The following TMEM132D variants were observed in gnomAD, a reference collection of about 807,000 sequenced individuals.
TMEM132D encodes transmembrane protein 132D.
Under a neutral mutation model 62.3 loss-of-function variants are expected in TMEM132D, and 21 were observed. That is an observed-to-expected ratio of 0.34 (90% CI 0.24 to 0.49). The LOEUF (loss-of-function observed/expected upper bound fraction) is 0.49, where lower values mean the gene tolerates loss of function less well. TMEM132D is among the 20% of genes least tolerant of loss of function. TMEM132D has a pLI of 0.99. For synonymous variants in TMEM132D, 621 were observed against 575.6 expected, an observed-to-expected ratio of 1.08 and a Z score of -1.13; for missense variants, 1,346 against 1,402.8, an observed-to-expected ratio of 0.96 and a Z score of 0.65.
intron 2 of TMEM132D, among the ~76,000 whole-genome samples, chr12:129,666,209 G>C (rs1880375780): frequency 6.6e-6 from 1 of 152,104 alleles, no homozygotes; most frequent in South Asian, 2.1e-4. Flanking sequence ...TCTAGGCCCT[G>C]TTCCTCCAGG....
chr12:129,286,599 C>A (rs1020618640), intron 4 of TMEM132D, among the ~76,000 whole-genome samples: 1 of 152,222 alleles, frequency 6.6e-6, no homozygotes, highest in African/African-American at 2.4e-5. Flanking sequence ...GATTCCTCAG[C>A]CTCTCTCATT....
chr12:129,226,714 T>C (rs1205862020), intron 4 of TMEM132D, among the ~76,000 whole-genome samples: 1 of 152,254 alleles, frequency 6.6e-6, no homozygotes, highest in Admixed American at 6.5e-5. Context: ...GGCTCACTTT[T>C]TGTGAAATGT....
At chr12:129,662,576 C>T (rs1324796595) in intron 2 of TMEM132D, among the ~76,000 whole-genome samples, 4 of 152,206 alleles carry the variant, frequency 2.6e-5, no homozygotes, top group Admixed American at 2.0e-4. Flanking sequence ...AGGCGGATCA[C>T]GAGGTCAAGA....
At chr12:129,672,200 T>A (rs1377044996) in intron 2 of TMEM132D, among the ~76,000 whole-genome samples, 2 of 152,212 alleles carry the variant, frequency 1.3e-5, no homozygotes, top group Non-Finnish European at 2.9e-5. Flanking sequence ...CCTCCCGTTT[T>A]CATGGCCTGT....
At chr12:129,254,474 G>A (rs1461930835) in intron 4 of TMEM132D, among the ~76,000 whole-genome samples, 1 of 152,164 alleles carries the variant, frequency 6.6e-6, no homozygotes. Context: ...CACTTAGTAG[G>A]ACTTGCTCAA....
At position 129,583,015 on chromosome 12, in the gene TMEM132D, G is replaced by A. The variant is rs561493766; in HGVS notation, c.969-51810C>T. On this transcript the variant is annotated intron_variant, in intron 2 of 8. Coordinates refer to ENST00000422113, the MANE Select transcript of TMEM132D (RefSeq NM_133448.3). ...CACGAGCTCAGCTCACTGCAATATT[G>A]GCCAGACTGGTCTTGATCTCCTGAC... 1.7e-4 allele frequency among the ~76,000 whole-genome samples: 26 copies of A among 152,098 alleles called. No homozygotes were observed. The South Asian group carries it at 5.4e-3, about 32-fold the overall frequency.
At chr12:129,732,068 C>A (rs1014785591) in intron 1 of TMEM132D, among the ~76,000 whole-genome samples, 14 of 151,946 alleles carry the variant, frequency 9.2e-5, no homozygotes, top group African/African-American at 3.4e-4. Context: ...GCTTCTAATT[C>A]GTAGACTCCT....
In TMEM132D at chr12:129,334,044, C is replaced by CT. The variant is rs1869198391; in HGVS notation, c.1299+3589dup. ...GCTGAGGCAGGAGAATCGCTTGAAC[C>CT]TGGGGGGCAGAGGTTGCAATGAGCT... On this transcript the variant is annotated intron_variant, in intron 4 of 8. Coordinates refer to ENST00000422113, the MANE Select transcript of TMEM132D (RefSeq NM_133448.3). Among the ~76,000 whole-genome samples the CT allele has an allele frequency of 3.9e-5, 6 of 152,242 alleles. No individual in the cohort carries two copies. The South Asian group carries it at 1.2e-3, about 32-fold the overall frequency.
At chr12:129,848,790 C>T (rs1321672744) in intron 1 of TMEM132D, among the ~76,000 whole-genome samples, 6 of 152,252 alleles carry the variant, frequency 3.9e-5, no homozygotes, top group Non-Finnish European at 1.5e-5. Context: ...ACCAATGAGA[C>T]GTTCAGGTCC....
intron 2 of TMEM132D, among the ~76,000 whole-genome samples, chr12:129,666,765 T>C (rs1157649649): frequency 6.6e-6 from 1 of 152,218 alleles, no homozygotes; most frequent in Admixed American, 6.5e-5. Context: ...AAATAAAAGT[T>C]GCTAAGAGTT....
intron 5 of TMEM132D, among the ~76,000 whole-genome samples, chr12:129,199,783 G>T (rs181080764): frequency 3.3e-5 from 5 of 152,228 alleles, no homozygotes; most frequent in Admixed American, 2.0e-4. Context: ...CAGATCTCAT[G>T]ACACTTATTC....
chr12:129,621,570 C>G (rs1879069365), intron 2 of TMEM132D, among the ~76,000 whole-genome samples: 1 of 152,208 alleles, frequency 6.6e-6, no homozygotes, highest in Non-Finnish European at 1.5e-5. Flanking sequence ...TCTCTCCCCA[C>G]TCCTCTGCCT....
At chr12:129,159,406 T>C (rs912740567) in intron 5 of TMEM132D, among the ~76,000 whole-genome samples, 1 of 152,104 alleles carries the variant, frequency 6.6e-6, no homozygotes, top group African/African-American at 2.4e-5. Context: ...AATGTGAACA[T>C]GTTCATAACT....
intron 1 of TMEM132D, among the ~76,000 whole-genome samples, chr12:129,838,737 C>T (rs933465561): frequency 3.3e-5 from 5 of 151,996 alleles, no homozygotes; most frequent in African/African-American, 7.3e-5. Flanking sequence ...AAAATGCCAG[C>T]GGCAAACAAG....
In TMEM132D at chr12:129,074,820, C is replaced by T. The variant is rs1874199730; in HGVS notation, c.2355G>A (p.Val785=). Residue 785 remains valine (V), a synonymous_variant, in exon 9 of 9, where the codon GTG becomes GTA. Coordinates refer to ENST00000422113, the MANE Select transcript of TMEM132D (RefSeq NM_133448.3). ...TGATGTTTGCCGTTCCAACAGCTAA[C>T]ACACTCTTCCGCTTGGATTTCTGGC... ...ESCQKSKRKS[V]LAVGTANIKV... is the part of the protein sequence containing the mutation. 6.2e-7 allele frequency: 1 copy of T among 1,614,072 alleles called. No individual in the cohort carries two copies. The highest frequency in any genetic ancestry group is 8.5e-7 in the Non-Finnish European group (1 of 1,180,024).
intron 3 of TMEM132D, among the ~76,000 whole-genome samples, chr12:129,442,836 C>A (rs1478833083): frequency 2.0e-5 from 3 of 152,146 alleles, no homozygotes; most frequent in Non-Finnish European, 4.4e-5. Context: ...GTGTATTCAT[C>A]TTGGTGTCTG....
chr12:129,780,308 T>G (rs1156360780), intron 1 of TMEM132D, among the ~76,000 whole-genome samples: 1 of 150,290 alleles, frequency 6.7e-6, no homozygotes, highest in Non-Finnish European at 1.5e-5. Context: ...ACTCAGGGCT[T>G]TGGCTTAGCT....
intron 2 of TMEM132D, among the ~76,000 whole-genome samples, chr12:129,676,840 T>C (rs1880643794): frequency 6.6e-6 from 1 of 152,128 alleles, no homozygotes. Flanking sequence ...ATCTACCTAA[T>C]CTATCTTTCT....
chr12:129,728,012 G>C (rs1334445962), intron 1 of TMEM132D, among the ~76,000 whole-genome samples: 1 of 152,044 alleles, frequency 6.6e-6, no homozygotes, highest in Non-Finnish European at 1.5e-5. Flanking sequence ...TTCTCTACCA[G>C]GTCCATTATG....
Sources: gnomAD v4.1 joint callset for allele counts (sites outside exome capture counted in the v4.1 genomes callset) on GRCh38, gnomAD v4.1.1 for gene constraint, MANE v1.5 for transcripts, NCBI Gene and HGNC (gene_info 2026-07-23, HGNC 2026-07-21) for gene names.